Variants in PTPRD observed in about 807,000 individuals in gnomAD.
The protein encoded by PTPRD is receptor-type tyrosine-protein phosphatase delta.
In PTPRD, 34 loss-of-function variants were observed where a neutral mutation model predicts 214.5. That is an observed-to-expected ratio of 0.16 (90% confidence interval 0.12 to 0.21). PTPRD has a LOEUF of 0.21. PTPRD is among the 10% of genes least tolerant of loss of function. PTPRD has a pLI of 1.00. For synonymous variants in PTPRD, 1,128 were observed against 845.7 expected, an observed-to-expected ratio of 1.33 and a Z score of -5.79; for missense variants, 2,545 against 2,398.7, an observed-to-expected ratio of 1.06 and a Z score of -1.27.
intron 8 of PTPRD, among the ~76,000 whole-genome samples, chr9:9,426,597 G>A (rs1014351462): frequency 6.6e-6 from 1 of 152,188 alleles, no homozygotes; most frequent in East Asian, 1.9e-4. Flanking sequence ...TGAGAACGGA[G>A]AGACTGCCTC....
intron 5 of PTPRD, among the ~76,000 whole-genome samples, chr9:9,830,166 C>T (rs1396210913): frequency 1.3e-5 from 2 of 151,408 alleles, no homozygotes; most frequent in East Asian, 1.9e-4. Flanking sequence ...ATTTGTGTGG[C>T]TTTTGTGAAT....
At chr9:9,516,511 A>G (rs1266694839) in intron 8 of PTPRD, among the ~76,000 whole-genome samples, 2 of 149,882 alleles carry the variant, frequency 1.3e-5, no homozygotes. Context: ...ATATATATAC[A>G]TATATATTTA....
chr9:8,535,987 C>A (rs867192730), intron 14 of PTPRD, among the ~76,000 whole-genome samples: 1 of 151,846 alleles, frequency 6.6e-6, no homozygotes, highest in Non-Finnish European at 1.5e-5. Flanking sequence ...CACTATAATG[C>A]CCAGTATCTC....
chr9:9,114,874 T>C (rs1329238089), intron 10 of PTPRD, among the ~76,000 whole-genome samples: 2 of 152,256 alleles, frequency 1.3e-5, no homozygotes, highest in East Asian at 3.9e-4. Flanking sequence ...ATGCAGATTA[T>C]AGGACATTTA....
chr9:9,106,517 G>T (rs548522049), intron 10 of PTPRD, among the ~76,000 whole-genome samples: 1 of 146,866 alleles, frequency 6.8e-6, no homozygotes, highest in Non-Finnish European at 1.5e-5. Context: ...GACTTTAGAG[G>T]TCACATAGAA....
At chr9:9,624,802 T>G (rs1289319748) in intron 7 of PTPRD, among the ~76,000 whole-genome samples, 1 of 149,908 alleles carries the variant, frequency 6.7e-6, no homozygotes, top group African/African-American at 2.5e-5. Flanking sequence ...TAGGTTAAGT[T>G]GTTACAAATA....
At chr9:9,006,334 GTTC>G (rs1166785795) in intron 11 of PTPRD, among the ~76,000 whole-genome samples, 4 of 151,800 alleles carry the variant, frequency 2.6e-5, no homozygotes, top group East Asian at 1.9e-4. Flanking sequence ...TTTTCTTTTT[GTTC>G]TTCTTCTTGT....
At chr9:10,125,704 G>A (rs974260502) in intron 3 of PTPRD, among the ~76,000 whole-genome samples, 5 of 150,314 alleles carry the variant, frequency 3.3e-5, no homozygotes, top group Admixed American at 6.7e-5. Context: ...GGCTGGTCTC[G>A]AACTCCTTTC....
chr9:8,397,915 G>A (rs561669341), intron 36 of PTPRD, among the ~76,000 whole-genome samples: 1 of 152,084 alleles, frequency 6.6e-6, no homozygotes, highest in Admixed American at 6.6e-5. Context: ...TCAAACAGCA[G>A]ATGATATATA....
chr9:8,528,506 A>T (rs10758978), intron 15 of PTPRD, 85 bp downstream of exon 15: 1 of 1,218,974 alleles, frequency 8.2e-7, no homozygotes, highest in Non-Finnish European at 1.2e-6. Context: ...GAAATAAAAA[A>T]TAAATTAAAA....
At chr9:9,202,938 G>C (rs567255804) in intron 9 of PTPRD, among the ~76,000 whole-genome samples, 1 of 152,216 alleles carries the variant, frequency 6.6e-6, no homozygotes, top group East Asian at 1.9e-4. Flanking sequence ...TGTCTGAATA[G>C]TCTCATGCAC....
chr9:10,593,532 TAGAAG>T (rs771640978), intron 2 of PTPRD, among the ~76,000 whole-genome samples: 3 of 152,012 alleles, frequency 2.0e-5, no homozygotes, highest in Admixed American at 6.6e-5. Context: ...ATACAACATA[TAGAAG>T]AGATTAGGGA....
intron 7 of PTPRD, among the ~76,000 whole-genome samples, chr9:9,653,791 T>C (rs2096439230): frequency 6.6e-6 from 1 of 152,214 alleles, no homozygotes. Flanking sequence ...GGGATTTGGC[T>C]TTGATGGACT....
chr9:9,952,267 G>T (rs2093523872), intron 4 of PTPRD, among the ~76,000 whole-genome samples: 1 of 152,082 alleles, frequency 6.6e-6, no homozygotes, highest in Non-Finnish European at 1.5e-5. Context: ...GACATTATTG[G>T]GCTCTGTAGT....
intron 12 of PTPRD, among the ~76,000 whole-genome samples, chr9:8,695,860 G>A (rs959750264): frequency 6.6e-6 from 1 of 152,184 alleles, no homozygotes; most frequent in Admixed American, 6.5e-5. Flanking sequence ...ATTACTGTAA[G>A]TAAATGTGAG....
chr9:10,568,662 G>A (rs2066443659), intron 2 of PTPRD, among the ~76,000 whole-genome samples: 1 of 152,098 alleles, frequency 6.6e-6, no homozygotes, highest in South Asian at 2.1e-4. Flanking sequence ...ACAAAAACAA[G>A]AAATGGGGAA....
intron 3 of PTPRD, among the ~76,000 whole-genome samples, chr9:10,160,456 T>C (rs1166997534): frequency 2.0e-5 from 3 of 151,860 alleles, no homozygotes; most frequent in Admixed American, 6.6e-5. Flanking sequence ...TCAAAGATCA[T>C]AGCAGAACCA....
intron 5 of PTPRD, among the ~76,000 whole-genome samples, chr9:9,903,176 A>G (rs1329366240): frequency 6.6e-6 from 1 of 152,154 alleles, no homozygotes; most frequent in Non-Finnish European, 1.5e-5. Flanking sequence ...ATGATTATAT[A>G]TCTTGCATAG....
chr9:8,696,720 A>G (rs918643880), intron 12 of PTPRD, among the ~76,000 whole-genome samples: 5 of 152,242 alleles, frequency 3.3e-5, no homozygotes, highest in African/African-American at 1.2e-4. Context: ...AGGAATGCAG[A>G]AGCTAGGTCA....
Sources: allele counts gnomAD v4.1 joint callset (sites outside exome capture counted in the v4.1 genomes callset), GRCh38; gene constraint gnomAD v4.1.1; transcripts MANE v1.5; gene names NCBI Gene and HGNC (gene_info 2026-07-23, HGNC 2026-07-21).